DLC1: variants seen among roughly 807,000 people sequenced by gnomAD.
DLC1 encodes DLC1 Rho GTPase activating protein, also known as rho GTPase-activating protein 7.
In DLC1, 54 loss-of-function variants were observed where a neutral mutation model predicts 140.3. That is an observed-to-expected ratio of 0.38 (90% CI 0.31 to 0.48). The LOEUF (loss-of-function observed/expected upper bound fraction) is 0.48. Ranked by LOEUF, DLC1 falls within the 20% of genes least tolerant of loss-of-function variation. The pLI, the probability that DLC1 is intolerant of heterozygous loss-of-function variation, is 0.96. For synonymous variants in DLC1, 986 were observed against 728.1 expected, an observed-to-expected ratio of 1.35 and a Z score of -5.70; for missense variants, 2,536 against 1,907.0, an observed-to-expected ratio of 1.33 and a Z score of -6.14.
chr8:13,268,252 G>A (rs1830770713), intron 5 of DLC1, among the ~76,000 whole-genome samples: 1 of 152,140 alleles, frequency 6.6e-6, no homozygotes, highest in African/African-American at 2.4e-5. Context: ...ACTTTGGAAT[G>A]ACAAGTCTTT....
At chr8:13,321,404 G>A (rs1175562879) in intron 4 of DLC1, among the ~76,000 whole-genome samples, 1 of 151,940 alleles carries the variant, frequency 6.6e-6, no homozygotes, top group Non-Finnish European at 1.5e-5. Flanking sequence ...CATGTGTGGT[G>A]GTGCGTGCCT....
chr8:13,234,275 A>G (rs998728821), intron 5 of DLC1, among the ~76,000 whole-genome samples: 4 of 152,158 alleles, frequency 2.6e-5, no homozygotes, highest in African/African-American at 9.6e-5. Context: ...GTTACTTTTC[A>G]TGTAACTTAT....
intron 6 of DLC1, among the ~76,000 whole-genome samples, chr8:13,114,189 C>A (rs1046180414): frequency 2.6e-5 from 4 of 152,112 alleles, no homozygotes; most frequent in Non-Finnish European, 5.9e-5. Context: ...TGGTAAAACC[C>A]CGGCTCTACT....
At chr8:13,406,149 C>T (rs1353656441) in intron 2 of DLC1, among the ~76,000 whole-genome samples, 3 of 146,832 alleles carry the variant, frequency 2.0e-5, no homozygotes, top group East Asian at 4.0e-4. Context: ...TGGGATTATA[C>T]GCGCCTGCCA....
intron 2 of DLC1, among the ~76,000 whole-genome samples, chr8:13,451,612 T>C (rs1481921841): frequency 6.6e-6 from 1 of 152,186 alleles, no homozygotes; most frequent in Non-Finnish European, 1.5e-5. Flanking sequence ...AGTGAGAACA[T>C]GTAATGCTTG....
At chr8:13,109,457 T>G (rs62489160) in intron 7 of DLC1, among the ~76,000 whole-genome samples, 56,037 of 151,870 alleles carry the variant, frequency 0.37, 12,614 homozygotes, top group Middle Eastern at 0.51. Context: ...CTCCAGAGGC[T>G]GAAGTGGGAG....
chr8:13,305,792 C>T (rs974890147), intron 4 of DLC1, among the ~76,000 whole-genome samples: 2 of 152,278 alleles, frequency 1.3e-5, no homozygotes, highest in East Asian at 1.9e-4. Flanking sequence ...GAGCTATGAT[C>T]GTGCTACAGA....
chr8:13,225,706 C>T (rs1402667952), intron 5 of DLC1, among the ~76,000 whole-genome samples: 1 of 151,228 alleles, frequency 6.6e-6, no homozygotes, highest in African/African-American at 2.4e-5. Flanking sequence ...AGCTCCGCCT[C>T]CTGGGTTCAC....
chr8:13,100,731 C>T lies in DLC1; in HGVS notation c.1606G>A (p.Gly536Ser), dbSNP rs1819001385. The T allele has an allele frequency of 6.3e-6, 10 of 1,599,162 alleles. No homozygotes were observed. Among genetic ancestry groups the T allele is most frequent in the Non-Finnish European group, 7.7e-6 (9 of 1,173,190 alleles). ...CTGTCCCTTTGGAAAGTCCATTTGCCACTGATGGCACAAGGCTCATCCTCG... is the reference window on the plus strand; with the variant it reads ...CTGTCCCTTTGGAAAGTCCATTTGCTACTGATGGCACAAGGCTCATCCTCG... ...SDEDEPCAIS[G>S]KWTFQRDSKR... is the part of the protein sequence containing the mutation. Residue 536 changes from glycine to serine, a missense_variant, in exon 9 of 18, where the codon GGC (glycine) becomes AGC (serine). By Grantham distance (56) the Gly-to-Ser change is moderately conservative (BLOSUM62 0). Transcript: ENST00000276297.
At chr8:13,372,267 C>T (rs1026623839) in intron 4 of DLC1, among the ~76,000 whole-genome samples, 1 of 152,072 alleles carries the variant, frequency 6.6e-6, no homozygotes, top group African/African-American at 2.4e-5. Context: ...CTCAGAAAAT[C>T]ACGAGCCAAA....
intron 1 of DLC1, among the ~76,000 whole-genome samples, chr8:13,597,275 A>G (rs548761202): frequency 5.1e-4 from 78 of 152,166 alleles, no homozygotes; most frequent in Non-Finnish European, 8.8e-4. Flanking sequence ...TGCAACTGAC[A>G]TTGGACAATT....
At chr8:13,578,926 C>T (rs1004799056) in intron 1 of DLC1, among the ~76,000 whole-genome samples, 14 of 151,930 alleles carry the variant, frequency 9.2e-5, no homozygotes, top group African/African-American at 3.4e-4. Context: ...CTACTCCCCT[C>T]CCCAGAGGTT....
At chr8:13,516,206 C>T (rs962183152), upstream of DLC1, among the ~76,000 whole-genome samples, 1 of 152,132 alleles carries the variant, frequency 6.6e-6, no homozygotes, top group Admixed American at 6.6e-5. Flanking sequence ...TTAGGTCTAT[C>T]TGCTTCTTGC....
intron 1 of DLC1, among the ~76,000 whole-genome samples, chr8:13,573,011 T>A (rs1224146493): frequency 6.6e-6 from 1 of 152,176 alleles, no homozygotes. Flanking sequence ...CTGTAAAAAA[T>A]GCCATTGGAC....
At chr8:13,166,550 A>T (rs1205819418) in intron 5 of DLC1, among the ~76,000 whole-genome samples, 1 of 152,148 alleles carries the variant, frequency 6.6e-6, no homozygotes, top group Non-Finnish European at 1.5e-5. Flanking sequence ...CATGTTGGCC[A>T]GGCTGGCCTC....
chr8:13,395,758 T>C (rs1047143399), intron 3 of DLC1, among the ~76,000 whole-genome samples: 4 of 136,488 alleles, frequency 2.9e-5, no homozygotes, highest in African/African-American at 5.2e-5. Context: ...CATGTGTGTG[T>C]GTGCGTGTGC....
intron 4 of DLC1, among the ~76,000 whole-genome samples, chr8:13,312,529 C>T (rs192908608): frequency 1.1e-4 from 16 of 151,826 alleles, no homozygotes; most frequent in Admixed American, 1.0e-3. Context: ...TTAGTCATGA[C>T]ATATCCTTCA....
rs764771997 is a variant in DLC1 at position 13,139,889 on chromosome 8, A to T, written c.1349-24232T>A. Among the ~76,000 whole-genome samples the T allele has an allele frequency of 5.8e-4, 89 of 152,374 alleles. No individual in the cohort carries two copies. The Middle Eastern group carries it at 0.01, about 17-fold the overall frequency. ...CATTGAATTAGCTAATTTAAATGGC[A>T]TGGTCAAATATACATAATATAAAAT... On this transcript the variant is annotated intron_variant, in intron 5 of 17. Coordinates refer to ENST00000276297, the MANE Select transcript of DLC1 (RefSeq NM_182643.3).
intron 5 of DLC1, among the ~76,000 whole-genome samples, chr8:13,232,490 T>C (rs1014420239): frequency 1.3e-5 from 2 of 152,112 alleles, no homozygotes; most frequent in African/African-American, 4.8e-5. Context: ...CACACCACCA[T>C]GCCTGGCTAA....
Sources: gnomAD v4.1 joint callset for allele counts (sites outside exome capture counted in the v4.1 genomes callset) on GRCh38, gnomAD v4.1.1 for gene constraint, MANE v1.5 for transcripts, NCBI Gene and HGNC (gene_info 2026-07-23, HGNC 2026-07-21) for gene names.